The following PER3 variants were observed in gnomAD, a reference collection of about 807,000 sequenced individuals.
The protein encoded by PER3 is period circadian regulator 3.
In PER3, 107 loss-of-function variants were observed where a neutral mutation model predicts 127.2. That is an observed-to-expected ratio of 0.84 (90% CI 0.72 to 0.99). PER3 has a LOEUF of 0.99. Ranked by LOEUF, PER3 falls within the 50% of genes least tolerant of loss-of-function variation. The pLI is 0.00. For synonymous variants in PER3, 618 were observed against 585.8 expected (o/e 1.05, Z -0.79); for missense variants, 1,560 against 1,525.8 (o/e 1.02, Z -0.37).
At chr1:7,799,058 C>T (rs867989325) in intron 7 of PER3, among the ~76,000 whole-genome samples, 1 of 152,126 alleles carries the variant, frequency 6.6e-6, no homozygotes, top group African/African-American at 2.4e-5. Flanking sequence ...TTCTGAAACT[C>T]CCTGAGTAAA....
chr1:7,785,676 C>A, intron 3 of PER3, 90 bp downstream of exon 3: 3 of 1,098,542 alleles, frequency 2.7e-6, no homozygotes, highest in Non-Finnish European at 2.7e-6. Flanking sequence ...CTCAGTCAGA[C>A]AAATAATTTG....
Position 7,820,490 on chromosome 1 carries a change from C to A in PER3, c.1807C>A (p.Pro603Thr), listed in dbSNP as rs753156028. The A allele has an allele frequency of 1.2e-6, 2 of 1,613,142 alleles. No individual in the cohort carries two copies. The highest frequency in any genetic ancestry group is 1.7e-6 in the Non-Finnish European group (2 of 1,179,656). Residue 603 changes from proline (P) to threonine (T), a missense_variant, in exon 16 of 22, where the codon CCT becomes ACT. Physicochemically the swap from Pro to Thr is conservative, Grantham distance 38 (BLOSUM62 -1). Coordinates refer to ENST00000377532, the MANE Select transcript of PER3 (RefSeq NM_001377275.1). ...LQAGLQIPAI[P>T]KSEMPTNGRS... is the part of the protein sequence containing the mutation. Reference sequence around the variant, plus strand: ...AGCTGGTTTGCAAATCCCAGCCATACCTAAATCAGAAATGCCAACAAATGG... The same window carrying A: ...AGCTGGTTTGCAAATCCCAGCCATAACTAAATCAGAAATGCCAACAAATGG...
Position 7,806,812 on chromosome 1 carries a change from A to AAAAT in PER3, c.1137-2080_1137-2079insAATA, listed in dbSNP as rs61141023. 1.1e-3 allele frequency among the ~76,000 whole-genome samples: 64 copies of AAAAT among 60,628 alleles called. 1 individual carries two copies. Among genetic ancestry groups the AAAAT allele is most frequent in the South Asian group, 3.0e-3 (4 of 1,332 alleles). 39.8% of individuals were successfully genotyped at this position (60,628 alleles called of 152,430 possible). A position where few individuals can be genotyped will look rare whatever the true frequency, so the allele number is the denominator to read the frequency against. On this transcript the variant is annotated intron_variant, in intron 10 of 21. Coordinates refer to ENST00000377532, the MANE Select transcript of PER3 (RefSeq NM_001377275.1). Reference sequence around the variant, plus strand: ...CTGTCTCTTAAAAAAAAAAAAAAAAAATATATATATATATATATATATATT... The same window carrying AAAAT: ...CTGTCTCTTAAAAAAAAAAAAAAAAAAAATATATATATATATATATATATATATT...
chr1:7,789,075 T>G (rs2097105939), intron 5 of PER3, among the ~76,000 whole-genome samples: 1 of 151,950 alleles, frequency 6.6e-6, no homozygotes, highest in African/African-American at 2.4e-5. Context: ...GATCTTAATT[T>G]ATTTCTTTTT....
chr1:7,835,136 G>T (rs2097351919), intron 19 of PER3, among the ~76,000 whole-genome samples: 1 of 152,182 alleles, frequency 6.6e-6, no homozygotes, highest in Admixed American at 6.5e-5. Flanking sequence ...AGTCATTGCT[G>T]GGGGTAGGTT....
At chr1:7,785,232 G>A (rs1198685602) in intron 2 of PER3, among the ~76,000 whole-genome samples, 1 of 152,212 alleles carries the variant, frequency 6.6e-6, no homozygotes, top group African/African-American at 2.4e-5. Context: ...TGGGGCTCAA[G>A]TGGATTAAGG....
intron 1 of PER3, 76 bp downstream of exon 1, chr1:7,784,452 C>T (rs2097074502): frequency 6.5e-6 from 1 of 153,482 alleles, no homozygotes; most frequent in South Asian, 2.0e-4. Flanking sequence ...AGAGGAGCCC[C>T]GCGAGCCCTG....
At chr1:7,824,204 C>T (rs1369793656) in intron 16 of PER3, among the ~76,000 whole-genome samples, 1 of 152,036 alleles carries the variant, frequency 6.6e-6, no homozygotes, top group African/African-American at 2.4e-5. Context: ...TCTAAAGTTA[C>T]AGTTTTAAAA....
At chr1:7,799,082 C>T (rs927033926) in intron 7 of PER3, among the ~76,000 whole-genome samples, 2 of 152,144 alleles carry the variant, frequency 1.3e-5, no homozygotes, top group Non-Finnish European at 2.9e-5. Flanking sequence ...TATATTTTAT[C>T]TTGTACGAGC....
chr1:7,820,563 C>T lies in PER3; in HGVS notation c.1880C>T (p.Ala627Val), dbSNP rs753242335. The T allele has an allele frequency of 3.2e-5, 52 of 1,613,932 alleles. No individual in the cohort carries two copies. Among genetic ancestry groups the T allele is most frequent in the Non-Finnish European group, 4.3e-5 (51 of 1,179,980 alleles). ...GGGAPQILST[A>V]MLSLGSGISQ... is the part of the protein sequence containing the mutation. ...GGAGCTCCACAGATCCTGTCCACGG[C>T]GATGCTGAGCTTGGGGTCGGGCATA... Residue 627 changes from alanine to valine, a missense_variant, in exon 16 of 22, where the codon GCG becomes GTG. Transcript: ENST00000377532.
At chr1:7,798,415 G>A (rs2097155325) in intron 6 of PER3, 110 bp from the exon 7 acceptor site, 1 of 775,924 alleles carries the variant, frequency 1.3e-6, no homozygotes, top group Non-Finnish European at 2.1e-6. Context: ...CATTTTAGAT[G>A]TGGGTATGTC....
At chr1:7,786,581 G>A (rs948439455) in intron 3 of PER3, 140 bp from the exon 4 acceptor site, 3 of 549,990 alleles carry the variant, frequency 5.5e-6, no homozygotes, top group Non-Finnish European at 9.9e-6. Context: ...TTAGGTAAAA[G>A]CAGAAAATGA....
At chr1:7,811,446 C>T (rs2097218986) in intron 13 of PER3, 1 of 152,148 alleles carries the variant, frequency 6.6e-6, no homozygotes, top group African/African-American at 2.4e-5. Flanking sequence ...AACAAAATAC[C>T]TGTGACTAGA....
chr1:7,794,008 G>A lies in PER3; in HGVS notation c.644G>A (p.Arg215His), dbSNP rs754053184. ...APVKPFFCRI[R>H]GGEDRKQEKC... The stretch of plus-strand genomic sequence containing the variant: ...GTGAAACCTTTTTTCTGCAGGATCC[G>A]GTAAGTATAGTGGCTCGTGGAAGCC... Residue 215 changes from arginine (R) to histidine (H), a missense_variant and splice_region_variant, in exon 6 of 22, where the codon CGT becomes CAT. By Grantham distance (29) the Arg-to-His change is conservative. Transcript: ENST00000377532. 1.6e-5 allele frequency: 26 copies of A among 1,612,464 alleles called. No individual in the cohort carries two copies. Among genetic ancestry groups the A allele is most frequent in the African/African-American group, 4.0e-5 (3 of 74,852 alleles).
rs765527787 is a variant in PER3 at position 7,820,165 on chromosome 1, G to A, written c.1709G>A (p.Cys570Tyr). ...GCTTTGAAAAGAAAGTGTATCTCCT[G>A]TACAAATACAACTTCTTCCTCCTCA... is the stretch of plus-strand genomic sequence containing the variant. The part of the protein sequence containing the change: ...IPALKRKCIS[C>Y]TNTTSSSSEE... Residue 570 changes from cysteine to tyrosine, a missense_variant, in exon 15 of 22, where the codon TGT (cysteine) becomes TAT (tyrosine). By Grantham distance (194) the Cys-to-Tyr change is radical. Transcript: ENST00000377532. 1.9e-6 allele frequency: 3 copies of A among 1,612,894 alleles called. No individual in the cohort carries two copies. The highest frequency in any genetic ancestry group is 1.7e-5 in the Admixed American group (1 of 60,022).
intron 5 of PER3, 200 bp downstream of exon 5, chr1:7,788,446 G>T (rs769540434): frequency 1.1e-5 from 6 of 570,174 alleles, no homozygotes; most frequent in Non-Finnish European, 1.9e-5. Context: ...TTTCCATTTT[G>T]TCACATCTGT....
intron 20 of PER3, 21 bp from the exon 21 acceptor site, chr1:7,836,978 A>G (rs1019148445): frequency 6.2e-7 from 1 of 1,602,628 alleles, no homozygotes; most frequent in Non-Finnish European, 8.5e-7. Flanking sequence ...GACTATTAAG[A>G]TTCTGTTTGT....
intron 10 of PER3, among the ~76,000 whole-genome samples, chr1:7,806,802 A>ATATAT (rs1365248972): frequency 1.9e-5 from 1 of 52,654 alleles, no homozygotes; most frequent in African/African-American, 6.1e-5. Context: ...TCTTAAAAAA[A>ATATAT]AAAAAAAAAA....
At chr1:7,807,921 G>A (rs999560311) in intron 10 of PER3, among the ~76,000 whole-genome samples, 1 of 152,116 alleles carries the variant, frequency 6.6e-6, no homozygotes, top group Non-Finnish European at 1.5e-5. Context: ...AAAATGTCAG[G>A]TATTCTTCTA....
Sources: gnomAD v4.1 joint callset for allele counts (sites outside exome capture counted in the v4.1 genomes callset) on GRCh38, gnomAD v4.1.1 for gene constraint, MANE v1.5 for transcripts, NCBI Gene and HGNC (gene_info 2026-07-23, HGNC 2026-07-21) for gene names.